PSG5: variants seen among roughly 807,000 people sequenced by gnomAD.
The protein encoded by PSG5 is pregnancy specific beta-1-glycoprotein 5.
Under a neutral mutation model 37.7 loss-of-function variants are expected in PSG5, and 53 were observed. The observed-to-expected ratio is 1.41, with a 90% CI of 1.13 to 1.77. The LOEUF (loss-of-function observed/expected upper bound fraction) is 1.77, where lower values mean the gene tolerates loss of function less well. Among genes scored for constraint, PSG5 ranks in the 40% most tolerant of loss-of-function variants. The pLI is 0.00. For synonymous variants in PSG5, 221 were observed against 155.4 expected (o/e 1.42, Z -3.14); for missense variants, 547 against 405.2 (o/e 1.35, Z -3.00).
At chr19:43,175,807 T>A (rs1002742679) in intron 3 of PSG5, 63 bp downstream of exon 3, 4 of 1,599,500 alleles carry the variant, frequency 2.5e-6, no homozygotes, top group Non-Finnish European at 3.4e-6. Flanking sequence ...CTGAGAGGAC[T>A]GGCTTGTGGT....
rs1221866559 is a variant in PSG5 at position 43,175,419 on chromosome 19, C to A, written c.760G>T (p.Gly254Ter). Residue 254 changes from glycine to a stop codon, truncating the protein, a stop_gained, in exon 4 of 6, where the codon GGA becomes TGA. Coordinates refer to ENST00000342951, the MANE Select transcript of PSG5 (RefSeq NM_002781.4). LOFTEE classifies it high-confidence loss of function. ...AAGCAGGACAAGTAGAGGTTTTCTC[C>A]TGAACGGTAATAGGTGAATGAAGGG... is the stretch of plus-strand genomic sequence containing the variant. ...IYPSFTYYRSGENLYLSCFAE... is the reference protein window; with the variant it reads ...IYPSFTYYRS 1 of 1,612,642 alleles carries A rather than the reference C, an allele frequency of 6.2e-7. No individual in the cohort carries two copies. The highest frequency in any genetic ancestry group is 1.3e-5 in the African/African-American group (1 of 74,596).
intron 4 of PSG5, chr19:43,170,489 C>T (rs878912372): frequency 5.3e-5 from 24 of 451,320 alleles, no homozygotes; most frequent in Non-Finnish European, 8.2e-5. Context: ...GTTGTGGCAG[C>T]CATGAATGAG....
chr19:43,175,538 G>A, intron 3 of PSG5, 69 bp from the exon 4 acceptor site: 1 of 1,538,856 alleles, frequency 6.5e-7, no homozygotes, highest in Non-Finnish European at 8.7e-7. Context: ...GTCTCTTAAA[G>A]GGACACAGTG....
chr19:43,177,088 A>G (rs939268787), intron 2 of PSG5, among the ~76,000 whole-genome samples: 2 of 151,624 alleles, frequency 1.3e-5, no homozygotes, highest in Non-Finnish European at 2.9e-5. Context: ...ATTTTCTTTC[A>G]CTGGACATTC....
rs565202850 is a variant in PSG5 at position 43,185,575 on chromosome 19, A to C, written c.65-428T>G. The stretch of plus-strand genomic sequence containing the variant: ...CCTCCAGGGTTCTTGTCAACACCTG[A>C]CCTCACATTCTAGATCTCTTTGCAT... On this transcript the variant is annotated intron_variant, in intron 1 of 5. Coordinates refer to ENST00000342951, the MANE Select transcript of PSG5 (RefSeq NM_002781.4). Among the ~76,000 whole-genome samples the C allele has an allele frequency of 2.6e-4, 39 of 151,032 alleles. 1 individual carries two copies. Among genetic ancestry groups the C allele is most frequent in the Admixed American group, 1.4e-3 (21 of 15,090 alleles).
intron 4 of PSG5, 139 bp downstream of exon 4, chr19:43,175,076 G>A: frequency 6.4e-7 from 1 of 1,571,650 alleles, no homozygotes; most frequent in Non-Finnish European, 8.6e-7. Context: ...CAAATTGGAA[G>A]GGTTCAGGAG....
At chr19:43,183,567 G>A (rs376599019) in intron 2 of PSG5, 1 of 478,946 alleles carries the variant, frequency 2.1e-6, no homozygotes, top group Non-Finnish European at 4.2e-6. Flanking sequence ...TCAGTGATGG[G>A]GGTTAAGATC....
rs780423471 is a variant in PSG5, at chr19:43,186,330, T to C, written c.64+12A>G. 1 of 1,611,778 alleles carries C rather than the reference T, an allele frequency of 6.2e-7. No individual in the cohort carries two copies. ...CCTCCTCCTGTCCTCTCCCAGGAAG[T>C]TCTCTCCTCACCTGTGAGCAGGAGC... On this transcript the variant is annotated intron_variant, in intron 1 of 5. Transcript: ENST00000342951.
At chr19:43,176,250 G>C (rs1032262029) in intron 2 of PSG5, 102 bp from the exon 3 acceptor site, 5 of 1,540,868 alleles carry the variant, frequency 3.2e-6, no homozygotes, top group Non-Finnish European at 4.4e-6. Context: ...CAACCCACCA[G>C]AGTCCTTGAA....
chr19:43,185,047 G>C lies in PSG5; in HGVS notation c.165C>G (p.Val55=), dbSNP rs772902545. The C allele has an allele frequency of 2.5e-6, 4 of 1,612,494 alleles. No homozygotes were observed. In the Admixed American group the frequency reaches 6.7e-5, roughly 27 times the overall value. ...CAGCAAGATTCTGAGGCAAATTGTG[G>C]ACAAGTAGAAGAACATCCTTCCCCT... ...VSEGKDVLLL[V]HNLPQNLAGY... The change falls in exon 2 of 6, where the codon GTC becomes GTG. Residue 55 remains valine, a synonymous_variant. Coordinates refer to ENST00000342951, the MANE Select transcript of PSG5 (RefSeq NM_002781.4).
At chr19:43,169,412 G>C (rs1968856132) in intron 5 of PSG5, among the ~76,000 whole-genome samples, 1 of 151,626 alleles carries the variant, frequency 6.6e-6, no homozygotes. Flanking sequence ...AGTGCAGATG[G>C]TGGAGGGGAT....
rs545616318 is a variant in PSG5 at position 43,178,868 on chromosome 19, A to C, written c.431-2720T>G. 4.3e-6 allele frequency: 7 copies of C among 1,612,898 alleles called. No individual in the cohort carries two copies. The South Asian group carries it at 7.7e-5, about 18-fold the overall frequency. ...GGCAGCCTGGCTCACAGAGGAACAG[A>C]GGATACTCACGGAGGAGATTCAGGG... On this transcript the variant is annotated intron_variant, in intron 2 of 5. Coordinates refer to ENST00000342951, the MANE Select transcript of PSG5 (RefSeq NM_002781.4).
chr19:43,182,505 T>G (rs1255378082), intron 2 of PSG5, among the ~76,000 whole-genome samples: 1 of 151,288 alleles, frequency 6.6e-6, no homozygotes, highest in Non-Finnish European at 1.5e-5. Flanking sequence ...ACAGATCATT[T>G]CCCTCTGCCC....
Position 43,172,093 on chromosome 19 carries a change from G to C in PSG5, c.965-1955C>G, listed in dbSNP as rs913717364. On this transcript the variant is annotated intron_variant, in intron 4 of 5. Transcript: ENST00000342951. ...TAAATAATTTTATGCAAATAAATTG[G>C]ATAACCTAGATGAAATAGACAAACT... 7.3e-5 allele frequency among the ~76,000 whole-genome samples: 11 copies of C among 150,966 alleles called. 1 individual carries two copies. The highest frequency in any genetic ancestry group is 7.3e-4 in the Admixed American group (11 of 15,098).
At chr19:43,176,845 A>G (rs946029254) in intron 2 of PSG5, among the ~76,000 whole-genome samples, 1 of 150,804 alleles carries the variant, frequency 6.6e-6, no homozygotes, top group Non-Finnish European at 1.5e-5. Context: ...GACAGGCAAG[A>G]GCTGGTGGCT....
At position 43,175,391 on chromosome 19, in the gene PSG5, G is replaced by T. The variant is rs116255192; in HGVS notation, c.788C>A (p.Ala263Glu). The change falls in exon 4 of 6, where the codon GCG (alanine) becomes GAG (glutamate). Residue 263 changes from alanine to glutamate, a missense_variant. Physicochemically the swap from Ala to Glu is moderately radical, Grantham distance 107. Coordinates refer to ENST00000342951, the MANE Select transcript of PSG5 (RefSeq NM_002781.4). ...SGENLYLSCF[A>E]ESNPPAEYFW... Reference sequence around the variant, plus strand: ...ATACTCTGCCGGTGGGTTAGATTCCGCGAAGCAGGACAAGTAGAGGTTTTC... The same window carrying T: ...ATACTCTGCCGGTGGGTTAGATTCCTCGAAGCAGGACAAGTAGAGGTTTTC... 5 of 1,612,842 alleles carry T rather than the reference G, an allele frequency of 3.1e-6. No homozygotes were observed. Among genetic ancestry groups the T allele is most frequent in the African/African-American group, 1.3e-5 (1 of 74,698 alleles).
At chr19:43,180,808 A>AGG (rs1050635342) in intron 2 of PSG5, among the ~76,000 whole-genome samples, 12 of 150,842 alleles carry the variant, frequency 8.0e-5, no homozygotes, top group African/African-American at 2.9e-4. Context: ...CCTTAAGTAG[A>AGG]GAGTCCCGTT....
intron 2 of PSG5, 77 bp from the exon 3 acceptor site, chr19:43,176,225 G>T: frequency 1.3e-6 from 2 of 1,572,710 alleles, no homozygotes; most frequent in Non-Finnish European, 8.6e-7. Flanking sequence ...ATCAGAGTTG[G>T]CATCTCCCAC....
chr19:43,168,368 T>A lies in PSG5; in HGVS notation c.*41-165A>T, dbSNP rs188264221. On this transcript the variant is annotated intron_variant, in intron 5 of 5. Coordinates refer to ENST00000342951, the MANE Select transcript of PSG5 (RefSeq NM_002781.4). Reference sequence around the variant, plus strand: ...TCATATAATTTTTAGAATACTCATTTAAAAAAATTTTTTTTTTTGAAATGG... The same window carrying A: ...TCATATAATTTTTAGAATACTCATTAAAAAAAATTTTTTTTTTTGAAATGG... Among the ~76,000 whole-genome samples, 408 of 151,160 alleles carry A rather than the reference T, an allele frequency of 2.7e-3. 18 individuals are homozygous for A. Among genetic ancestry groups the A allele is most frequent in the African/African-American group, 9.4e-3 (386 of 40,940 alleles).
Sources: allele counts gnomAD v4.1 joint callset (sites outside exome capture counted in the v4.1 genomes callset), GRCh38; gene constraint gnomAD v4.1.1; transcripts MANE v1.5; gene names NCBI Gene and HGNC (gene_info 2026-07-23, HGNC 2026-07-21).